The following KIFC3 variants were observed in gnomAD, a reference collection of about 807,000 sequenced individuals.
KIFC3 encodes the protein kinesin family member C3, also known as kinesin-like protein KIFC3.
KIFC3 carries 60 observed loss-of-function variants against 101.8 expected under a neutral mutation model. That is an observed-to-expected ratio of 0.59 (90% CI 0.48 to 0.73). The LOEUF is 0.73. Among genes scored for constraint, KIFC3 ranks in the 30% least tolerant of loss-of-function variants. The pLI, the probability that KIFC3 is intolerant of heterozygous loss-of-function variation, is 0.00. For missense variants in KIFC3, 966 were observed against 1,137.1 expected (o/e 0.85, Z 2.16); for synonymous variants, 476 against 482.7 (o/e 0.99, Z 0.18).
At chr16:57,829,636 C>G (rs533964251) in intron 1 of KIFC3, among the ~76,000 whole-genome samples, 2 of 152,188 alleles carry the variant, frequency 1.3e-5, no homozygotes, top group African/African-American at 4.8e-5. Context: ...GGAAAGTCAC[C>G]ATGCAGCCCT....
intron 1 of KIFC3, among the ~76,000 whole-genome samples, chr16:57,851,562 C>T (rs902351355): frequency 4.2e-5 from 6 of 142,146 alleles, no homozygotes; most frequent in African/African-American, 1.5e-4. Flanking sequence ...AATATTCGTT[C>T]GTTCATTCTT....
intron 3 of KIFC3, among the ~76,000 whole-genome samples, chr16:57,784,479 C>A (rs2053109617): frequency 6.6e-6 from 1 of 152,216 alleles, no homozygotes; most frequent in Non-Finnish European, 1.5e-5. Flanking sequence ...CAATATGCTG[C>A]CCCCAGAACT....
At chr16:57,845,325 C>A (rs577076889) in intron 1 of KIFC3, among the ~76,000 whole-genome samples, 19 of 152,304 alleles carry the variant, frequency 1.2e-4, no homozygotes, top group African/African-American at 4.3e-4. Context: ...TGCGATAGTC[C>A]TTGACCAGCT....
chr16:57,835,102 G>T (rs1026345825), intron 1 of KIFC3, among the ~76,000 whole-genome samples: 1 of 152,174 alleles, frequency 6.6e-6, no homozygotes, highest in Non-Finnish European at 1.5e-5. Flanking sequence ...GAACGGAGGC[G>T]GGTTCTCTCT....
chr16:57,773,972 C>T (rs1229977230), intron 3 of KIFC3: 1 of 152,332 alleles, frequency 6.6e-6, no homozygotes, highest in Non-Finnish European at 1.5e-5. Context: ...ACTGCCTGCT[C>T]TTGGTGGGGC....
chr16:57,862,584 C>A, intron 1 of KIFC3: 1 of 266,416 alleles, frequency 3.8e-6, no homozygotes. Flanking sequence ...ATTCAAATAC[C>A]AGAGTGGTAA....
intron 1 of KIFC3, among the ~76,000 whole-genome samples, chr16:57,840,530 G>T (rs1438891634): frequency 4.6e-5 from 7 of 152,120 alleles, no homozygotes; most frequent in Admixed American, 1.3e-4. Context: ...AGAGGCCAAG[G>T]TGGGCAGATC....
chr16:57,840,515 C>T (rs544044834), intron 1 of KIFC3, among the ~76,000 whole-genome samples: 61 of 152,226 alleles, frequency 4.0e-4, no homozygotes, highest in African/African-American at 1.4e-3. Flanking sequence ...AATCCCAGCA[C>T]TTTGAGAGGC....
chr16:57,837,574 A>AAAGAAAGAAAGAAAGAAAGAAAGAAAG (rs1239921174), intron 1 of KIFC3, among the ~76,000 whole-genome samples: 4 of 151,992 alleles, frequency 2.6e-5, no homozygotes, highest in Non-Finnish European at 5.9e-5. Context: ...AGAAAGAAAG[A>AAAGAAAGAAAGAAAGAAAGAAAGAAAG]AAGAAAGAGT....
intron 1 of KIFC3, chr16:57,815,729 C>T (rs2055205435): frequency 8.7e-7 from 1 of 1,148,268 alleles, no homozygotes; most frequent in South Asian, 1.3e-5. Flanking sequence ...CCCTCAACTC[C>T]ACCCAGCCAT....
chr16:57,827,443 G>A (rs551451183), intron 1 of KIFC3, among the ~76,000 whole-genome samples: 4 of 152,216 alleles, frequency 2.6e-5, no homozygotes, highest in Admixed American at 6.5e-5. Context: ...CCACAAATCC[G>A]GAGCAGAGCC....
chr16:57,786,692 G>A (rs74022042), intron 3 of KIFC3, among the ~76,000 whole-genome samples: 18,295 of 152,156 alleles, frequency 0.12, 1,320 homozygotes, highest in African/African-American at 0.19. Context: ...TAGTCCCCAG[G>A]AAACCCAGCC....
chr16:57,773,597 G>T (rs1450845947), intron 3 of KIFC3, among the ~76,000 whole-genome samples: 1 of 152,160 alleles, frequency 6.6e-6, no homozygotes, highest in East Asian at 1.9e-4. Flanking sequence ...TGAAGCTGCA[G>T]TAAGCTATGA....
chr16:57,781,074 T>G (rs961081710), intron 3 of KIFC3, among the ~76,000 whole-genome samples: 1 of 151,978 alleles, frequency 6.6e-6, no homozygotes, highest in African/African-American at 2.4e-5. Flanking sequence ...TCCCAGCACT[T>G]TGGGAGGCTG....
chr16:57,762,031 C>A (rs2049921323), intron 13 of KIFC3, 109 bp downstream of exon 13: 4 of 1,381,806 alleles, frequency 2.9e-6, no homozygotes, highest in Non-Finnish European at 3.9e-6. Context: ...GCCCCTGAGG[C>A]CTGCTCCCCA....
intron 3 of KIFC3, among the ~76,000 whole-genome samples, chr16:57,786,011 CAA>C (rs1216168117): frequency 6.6e-6 from 1 of 152,202 alleles, no homozygotes; most frequent in Non-Finnish European, 1.5e-5. Flanking sequence ...CTGGGAAAGA[CAA>C]GGGATTCTCA....
rs781844041 is a variant in KIFC3, at chr16:57,795,060, C to G, written c.254G>C (p.Arg85Pro). 1.2e-5 allele frequency: 20 copies of G among 1,604,404 alleles called. No individual in the cohort carries two copies. Among genetic ancestry groups the G allele is most frequent in the Non-Finnish European group, 1.6e-5 (19 of 1,176,326 alleles). ...SAARPALAQC[R>P]ALSVDWAGPG... ...GCCAGCCCAGTCCACGCTAAGGGCT[C>G]GGCACTGAGCTAGGGCTGGGCGAGC... Residue 85 changes from arginine to proline, a missense_variant, in exon 3 of 20, where the codon CGA becomes CCA. Physicochemically the swap from Arg to Pro is moderately radical, Grantham distance 103 (BLOSUM62 -2). Coordinates refer to ENST00000445690, the MANE Select transcript of KIFC3 (RefSeq NM_001130100.2).
Position 57,765,659 on chromosome 16 carries a change from G to A in KIFC3, c.1331-19C>T, listed in dbSNP as rs1567950735. ...ATGTTCCCTGGATTGGTTGGGGATG[G>A]GGAAATGGGTCCAGGCCATGTCAAG... On this transcript the variant is annotated intron_variant, in intron 10 of 19. Transcript: ENST00000445690. 1.6e-5 allele frequency: 25 copies of A among 1,600,184 alleles called. No individual in the cohort carries two copies. The highest frequency in any genetic ancestry group is 1.8e-5 in the Non-Finnish European group (21 of 1,171,888).
intron 1 of KIFC3, among the ~76,000 whole-genome samples, chr16:57,813,145 T>C (rs1191350200): frequency 1.3e-5 from 2 of 152,064 alleles, no homozygotes; most frequent in African/African-American, 4.8e-5. Context: ...CTGCTCAACA[T>C]GGCGAAACTC....
Sources: gnomAD v4.1 joint callset for allele counts (sites outside exome capture counted in the v4.1 genomes callset) on GRCh38, gnomAD v4.1.1 for gene constraint, MANE v1.5 for transcripts, NCBI Gene and HGNC (gene_info 2026-07-23, HGNC 2026-07-21) for gene names.